Variants in NALF2 observed in about 807,000 individuals in gnomAD.
NALF2 encodes bB57D9.1 (TED protein).
In NALF2, 1 loss-of-function variant was observed where a neutral mutation model predicts 24.8. That is an observed-to-expected ratio of 0.04 (90% CI 0.01 to 0.19). The LOEUF (loss-of-function observed/expected upper bound fraction) is 0.19, where lower values mean the gene tolerates loss of function less well. NALF2 is among the 10% of genes least tolerant of loss of function. NALF2 has a pLI of 1.00. For missense variants in NALF2, 458 were observed against 409.6 expected (o/e 1.12, Z -1.02); for synonymous variants, 254 against 189.8 (o/e 1.34, Z -2.78).
Position 69,505,964 on chromosome X carries a change from C to G in NALF2, c.682C>G (p.Leu228Val). ...DCSLDTLMGDLLAVVASPGSG... is the reference protein window; with the variant it reads ...DCSLDTLMGDVLAVVASPGSG... ...TAGCCTGGACACCCTGATGGGGGAC[C>G]TGCTGGCCGTGGTGGCCAGCCCGGG... Residue 228 changes from leucine (L) to valine (V), a missense_variant, in exon 1 of 3, where the codon CTG (leucine) becomes GTG (valine). Leu to Val is a conservative substitution (Grantham distance 32). Transcript: ENST00000252338. 8.3e-7 allele frequency: 1 copy of G among 1,211,972 alleles called. No individual in the cohort carries two copies. The highest frequency in any genetic ancestry group is 1.1e-6 in the Non-Finnish European group (1 of 895,449).
intron 1 of NALF2, 37 bp from the exon 2 acceptor site, chrX:69,528,956 C>T: frequency 8.5e-7 from 1 of 1,174,247 alleles, no homozygotes; most frequent in Non-Finnish European, 1.1e-6. Flanking sequence ...TGGGAAGGGG[C>T]TGGCACATGG....
At chrX:69,506,165 C>A in intron 1 of NALF2, 22 bp downstream of exon 1, 2 of 1,192,901 alleles carry the variant, frequency 1.7e-6, no homozygotes, top group Non-Finnish European at 2.3e-6. Context: ...CTTCCGCAGC[C>A]ACAGCAGCCG....
rs771750995 is a variant in NALF2, at chrX:69,519,369, CA to C, written c.862-9623del. Among the ~76,000 whole-genome samples, 4 of 111,589 alleles carry C rather than the reference CA, an allele frequency of 3.6e-5. No homozygotes were observed. In the Admixed American group the frequency reaches 3.8e-4, roughly 11 times the overall value. The stretch of plus-strand genomic sequence containing the variant: ...CCAGCTCCATGTGAGGCCCTGAGGA[CA>C]GTGGACAGATGAGTAAGATACAATC... On this transcript the variant is annotated intron_variant, in intron 1 of 2. Transcript: ENST00000252338.
At chrX:69,524,921 T>TTCTG (rs1930784720) in intron 1 of NALF2, among the ~76,000 whole-genome samples, 3 of 112,041 alleles carry the variant, frequency 2.7e-5, no homozygotes, top group Non-Finnish European at 5.6e-5. Flanking sequence ...CCTTGCCTGT[T>TTCTG]CCTGCCTCGC....
At chrX:69,511,849 G>T (rs1270107523) in intron 1 of NALF2, among the ~76,000 whole-genome samples, 2 of 112,139 alleles carry the variant, frequency 1.8e-5, no homozygotes, top group East Asian at 5.6e-4. Flanking sequence ...CCATGCGGAT[G>T]CATGTTGGTC....
At chrX:69,508,705 T>C (rs581299) in intron 1 of NALF2, among the ~76,000 whole-genome samples, 57,598 of 110,043 alleles carry the variant, frequency 0.52, 12,839 homozygotes, top group African/African-American at 0.84. Context: ...CTCTCCTCAG[T>C]CCCTCACCCC....
In NALF2 at chrX:69,505,257, C is replaced by A. The variant is rs780848838; in HGVS notation, c.-26C>A. 2 of 1,125,618 alleles carry A rather than the reference C, an allele frequency of 1.8e-6. No individual in the cohort carries two copies. Among genetic ancestry groups the A allele is most frequent in the East Asian group, 3.7e-5 (1 of 27,385 alleles). The allele number at this position is 1,125,618 out of a possible 1,213,427, so 92.8% of individuals were successfully genotyped here. ...CCGTCTGGCCTCGCGCCTGCCTGTT[C>A]CCTCCAGCCCGGACCCCCCTGAAAT... On this transcript the variant is annotated 5_prime_UTR_variant, in exon 1 of 3. Coordinates refer to ENST00000252338, the MANE Select transcript of NALF2 (RefSeq NM_015686.3).
At chrX:69,528,900 C>T in intron 1 of NALF2, 93 bp from the exon 2 acceptor site, 1 of 981,246 alleles carries the variant, frequency 1.0e-6, no homozygotes, top group Non-Finnish European at 1.4e-6. Flanking sequence ...TGGTGAGGCC[C>T]CCTTGAGAGA....
rs778657309 is a variant in NALF2 at position 69,505,730 on chromosome X, T to C, written c.448T>C (p.Leu150=). ...GGGGCTGGACGCAGCTTGCACCAAATTGCAATCTTTGCAGAGACTTTTCGA... is the reference window on the plus strand; with the variant it reads ...GGGGCTGGACGCAGCTTGCACCAAACTGCAATCTTTGCAGAGACTTTTCGA... ...PTGLDAACTK[L]QSLQRLFEPT... is the part of the protein sequence containing the mutation. The change falls in exon 1 of 3, where the codon TTG becomes CTG. Residue 150 remains leucine, a synonymous_variant. Coordinates refer to ENST00000252338, the MANE Select transcript of NALF2 (RefSeq NM_015686.3). The C allele has an allele frequency of 2.5e-5, 30 of 1,209,208 alleles. No individual in the cohort carries two copies. Among genetic ancestry groups the C allele is most frequent in the Non-Finnish European group, 3.4e-5 (30 of 894,605 alleles).
chrX:69,522,641 T>G (rs1930748992), intron 1 of NALF2, among the ~76,000 whole-genome samples: 1 of 112,449 alleles, frequency 8.9e-6, no homozygotes, highest in African/African-American at 3.2e-5. Flanking sequence ...CCAGTCTGAT[T>G]CTACCAATCC....
At chrX:69,521,011 C>T (rs141375352) in intron 1 of NALF2, among the ~76,000 whole-genome samples, 228 of 111,997 alleles carry the variant, frequency 2.0e-3, no homozygotes, top group Middle Eastern at 0.014. Context: ...ATGGGAGTGG[C>T]AAGCCATCTT....
intron 1 of NALF2, among the ~76,000 whole-genome samples, chrX:69,524,683 G>A (rs771925237): frequency 5.4e-5 from 6 of 110,980 alleles, no homozygotes; most frequent in Admixed American, 4.8e-4. Context: ...GTGAAACAGG[G>A]CAAGCTACCT....
intron 1 of NALF2, among the ~76,000 whole-genome samples, chrX:69,521,590 C>T (rs923642514): frequency 8.9e-6 from 1 of 112,366 alleles, no homozygotes; most frequent in Non-Finnish European, 1.9e-5. Context: ...TAGGCAAAAT[C>T]ATCCAACACA....
rs1357700566 is a variant in NALF2 at position 69,530,020 on chromosome X, G to C, written c.*64G>C. ...CAGCTCCAGCTCCCCCAGGTTGGGG[G>C]GGAGGGGGCTCCTCCCATGGGAGGT... On this transcript the variant is annotated 3_prime_UTR_variant, in exon 3 of 3. Transcript: ENST00000252338. 1 of 916,490 alleles carries C rather than the reference G, an allele frequency of 1.1e-6. No homozygotes were observed. The highest frequency in any genetic ancestry group is 1.5e-6 in the Non-Finnish European group (1 of 673,156). The allele number at this position is 916,490 out of a possible 1,213,427, so 75.5% of individuals were successfully genotyped here.
Position 69,529,956 on chromosome X carries a change from A to T in NALF2, c.1419A>T (p.Ter473CysextTer2), listed in dbSNP as rs1444572789. The T allele has an allele frequency of 8.4e-7, 1 of 1,185,516 alleles. No homozygotes were observed. The highest frequency in any genetic ancestry group is 2.2e-5 in the Admixed American group (1 of 45,202). The change falls in exon 3 of 3, where the codon TGA (stop) becomes TGT (cysteine). Residue 473 changes from the stop codon to cysteine, a stop_lost. Transcript: ENST00000252338. ...AGGAGGGCCTGACACGGGAAGAGTG[A>T]CAGTAGGGAGGGAGGACAGACCTCC... ...ALEEGLTREE[*>C] is the part of the protein sequence containing the mutation.
intron 1 of NALF2, among the ~76,000 whole-genome samples, chrX:69,525,782 G>A (rs1227156144): frequency 3.8e-5 from 4 of 104,654 alleles, no homozygotes; most frequent in Non-Finnish European, 3.9e-5. Context: ...CCCCAACCCC[G>A]TTGTTTCCTA....
chrX:69,523,064 G>A (rs1312397889), intron 1 of NALF2, among the ~76,000 whole-genome samples: 2 of 112,603 alleles, frequency 1.8e-5, no homozygotes, highest in African/African-American at 3.2e-5. Flanking sequence ...CTCTGCGGCT[G>A]CAGCTCCAGC....
chrX:69,508,677 C>T (rs1291565151), intron 1 of NALF2, among the ~76,000 whole-genome samples: 4 of 111,661 alleles, frequency 3.6e-5, no homozygotes, highest in Non-Finnish European at 7.5e-5. Flanking sequence ...TGCTACCCTA[C>T]TTGGACTGTA....
intron 1 of NALF2, among the ~76,000 whole-genome samples, chrX:69,514,878 T>C (rs935199833): frequency 2.9e-4 from 32 of 112,220 alleles, no homozygotes; most frequent in African/African-American, 9.4e-4. Context: ...CTTTTAAACT[T>C]GTTACACTAT....
Sources: gnomAD v4.1 joint callset for allele counts (sites outside exome capture counted in the v4.1 genomes callset) on GRCh38, gnomAD v4.1.1 for gene constraint, MANE v1.5 for transcripts, NCBI Gene and HGNC (gene_info 2026-07-23, HGNC 2026-07-21) for gene names.